ATIC: variants seen among roughly 807,000 people sequenced by gnomAD.
ATIC encodes the protein 5-aminoimidazole-4-carboxamide ribonucleotide formyltransferase/IMP cyclohydrolase.
A neutral mutation model predicts 72.5 loss-of-function variants in ATIC; 64 were observed. The ratio of observed to expected loss-of-function variants is 0.88; its 90% CI spans 0.72 to 1.09. The LOEUF (loss-of-function observed/expected upper bound fraction) is 1.09, where lower values mean the gene tolerates loss of function less well. Ranked by LOEUF, ATIC falls within the 50% of genes least tolerant of loss-of-function variation. ATIC has a pLI of 0.00. For synonymous variants in ATIC, 281 were observed against 267.1 expected (o/e 1.05, Z -0.51); for missense variants, 787 against 732.4 (o/e 1.07, Z -0.86).
At chr2:215,352,584 GAA>G (rs35608294), downstream of ATIC, among the ~76,000 whole-genome samples, 8,290 of 147,412 alleles carry the variant, frequency 0.056, 653 homozygotes, top group African/African-American at 0.18. Flanking sequence ...TCCATCTCAA[GAA>G]AAAAAAAAAA....
intron 1 of ATIC, 59 bp downstream of exon 1, chr2:215,312,220 G>A (rs2052659562): frequency 6.9e-7 from 1 of 1,459,808 alleles, no homozygotes. Flanking sequence ...CCACGCTCCC[G>A]CCTTGGCGGC....
intron 2 of ATIC, among the ~76,000 whole-genome samples, chr2:215,314,497 AT>A (rs927518773): frequency 1.5e-3 from 220 of 146,038 alleles, no homozygotes; most frequent in Admixed American, 1.6e-3. Flanking sequence ...AGAGGCCAAG[AT>A]TTTTTTTTTT....
chr2:215,344,904 CTG>C (rs752124718), intron 13 of ATIC, 33 bp downstream of exon 13: 1 of 1,588,426 alleles, frequency 6.3e-7, no homozygotes, highest in Non-Finnish European at 8.6e-7. Flanking sequence ...CTTCGGGGGA[CTG>C]TTGTTTTACG....
intron 2 of ATIC, among the ~76,000 whole-genome samples, chr2:215,313,661 C>G (rs1010693305): frequency 6.6e-6 from 1 of 152,160 alleles, no homozygotes; most frequent in African/African-American, 2.4e-5. Context: ...GTTTCTAGAT[C>G]CATGTAGAGG....
At chr2:215,355,477 TTCC>T in the ATIC span, among the ~76,000 whole-genome samples, 1 of 152,158 alleles carries the variant, frequency 6.6e-6, no homozygotes, top group African/African-American at 2.4e-5. Context: ...TCCTCCATTC[TTCC>T]TCCCGTTGCC....
At position 215,346,932 on chromosome 2, in the gene ATIC, C is replaced by G. The variant is rs116255553; in HGVS notation, c.1494C>G (p.Thr498=). 13,105 of 1,614,114 alleles carry G rather than the reference C, an allele frequency of 8.1e-3. 64 individuals carry two copies. The highest frequency in any genetic ancestry group is 0.022 in the Middle Eastern group (132 of 6,062). Residue 498 remains threonine (T), a synonymous_variant, in exon 14 of 16, where the codon ACC becomes ACG. Coordinates refer to ENST00000236959, the MANE Select transcript of ATIC (RefSeq NM_004044.7). Reference sequence around the variant, plus strand: ...CCATCGATCAATATGTGACTGGAACCATTGGCGAGGTGAAAGACTTGGCAT... The same window carrying G: ...CCATCGATCAATATGTGACTGGAACGATTGGCGAGGTGAAAGACTTGGCAT... The part of the protein sequence containing the change: ...SNAIDQYVTG[T]IGEDEDLIKW...
chr2:215,312,443 GCAGAA>G (rs1483693824), intron 1 of ATIC, 50 bp from the exon 2 acceptor site: 1 of 1,614,018 alleles, frequency 6.2e-7, no homozygotes, highest in Non-Finnish European at 8.5e-7. Context: ...CCAAGGCCTT[GCAGAA>G]CACAGTGCAA....
chr2:215,335,610 A>G (rs2052945514), intron 10 of ATIC, among the ~76,000 whole-genome samples: 1 of 152,138 alleles, frequency 6.6e-6, no homozygotes, highest in Non-Finnish European at 1.5e-5. Context: ...TGACATTTGT[A>G]TCTTTCGTCA....
chr2:215,342,999 G>C (rs1268375693), intron 12 of ATIC, among the ~76,000 whole-genome samples: 2 of 152,150 alleles, frequency 1.3e-5, no homozygotes, highest in Non-Finnish European at 2.9e-5. Flanking sequence ...TAAATGCCCA[G>C]GGTTGTTAAC....
intron 2 of ATIC, among the ~76,000 whole-genome samples, chr2:215,315,254 G>A (rs1192182494): frequency 6.6e-6 from 1 of 152,192 alleles, no homozygotes; most frequent in East Asian, 1.9e-4. Flanking sequence ...TGGCTTTGGG[G>A]AAAAAGAGTT....
chr2:215,329,455 A>G (rs1050280280), intron 7 of ATIC, among the ~76,000 whole-genome samples: 1 of 152,164 alleles, frequency 6.6e-6, no homozygotes, highest in Non-Finnish European at 1.5e-5. Flanking sequence ...TCTCCCCAAC[A>G]TGGGCTTATT....
At chr2:215,318,056 C>T in intron 2 of ATIC, 101 bp from the exon 3 acceptor site, 1 of 1,075,196 alleles carries the variant, frequency 9.3e-7, no homozygotes, top group African/African-American at 1.6e-5. Context: ...ACGTTGAATT[C>T]AGGCTCAAAA....
intron 9 of ATIC, among the ~76,000 whole-genome samples, chr2:215,333,810 A>G (rs1342546320): frequency 1.3e-5 from 2 of 152,088 alleles, no homozygotes; most frequent in Non-Finnish European, 2.9e-5. Context: ...TGGGAGGCTG[A>G]GGCGGGCAGA....
rs765474495 is a variant in ATIC at position 215,344,766 on chromosome 2, G to GTA, written c.1228-11_1228-10dup. 5.0e-6 allele frequency: 8 copies of GTA among 1,610,702 alleles called. No homozygotes were observed. The highest frequency in any genetic ancestry group is 6.8e-6 in the Non-Finnish European group (8 of 1,177,260). ...AAGGCCCCATGCAATTTACCATTGT[G>GTA]TATGTGTTTCAGTTGCCAGAGTCTG... is the stretch of plus-strand genomic sequence containing the variant. On this transcript the variant is annotated splice_polypyrimidine_tract_variant and intron_variant, in intron 12 of 15. Transcript: ENST00000236959.
At chr2:215,342,520 C>T (rs1392398298) in intron 12 of ATIC, among the ~76,000 whole-genome samples, 1 of 152,112 alleles carries the variant, frequency 6.6e-6, no homozygotes, top group Non-Finnish European at 1.5e-5. Flanking sequence ...AGGGCATTTC[C>T]AACACTGCAG....
chr2:215,337,541 A>T (rs1277874774), intron 11 of ATIC, among the ~76,000 whole-genome samples: 1 of 151,964 alleles, frequency 6.6e-6, no homozygotes, highest in African/African-American at 2.4e-5. Context: ...TGAGTTTTGT[A>T]TTTTTAGTAG....
chr2:215,338,746 G>T, intron 11 of ATIC, 33 bp from the exon 12 acceptor site: 1 of 1,607,978 alleles, frequency 6.2e-7, no homozygotes, highest in Non-Finnish European at 8.5e-7. Context: ...GAAGTGGAGA[G>T]ATTAACTTTA....
rs1478645934 is a variant in ATIC, at chr2:215,312,063, C to T, written c.-80C>T. Reference sequence around the variant, plus strand: ...CGCCCCCTCGCTTCCTGAGCCGCCACATCCCGGCAGCCCTCCTACCTGCGC... The same window carrying T: ...CGCCCCCTCGCTTCCTGAGCCGCCATATCCCGGCAGCCCTCCTACCTGCGC... On this transcript the variant is annotated 5_prime_UTR_variant, in exon 1 of 16. Transcript: ENST00000236959. 2.0e-6 allele frequency: 3 copies of T among 1,520,188 alleles called. No individual in the cohort carries two copies. Among genetic ancestry groups the T allele is most frequent in the Middle Eastern group, 4.5e-4 (2 of 4,490 alleles). 94.2% of individuals were successfully genotyped at this position (1,520,188 alleles called of 1,614,324 possible). A position where few individuals can be genotyped will look rare whatever the true frequency, so the allele number is the denominator to read the frequency against.
chr2:215,363,350 C>A, the ATIC span: 1 of 151,794 alleles, frequency 6.6e-6, no homozygotes, highest in East Asian at 2.0e-4. Flanking sequence ...TAAGGTCATA[C>A]AATCACAGTC....
Sources: allele counts gnomAD v4.1 joint callset (sites outside exome capture counted in the v4.1 genomes callset), GRCh38; gene constraint gnomAD v4.1.1; transcripts MANE v1.5; gene names NCBI Gene and HGNC (gene_info 2026-07-23, HGNC 2026-07-21).